The following SCAMP1 variants were observed in gnomAD, a reference collection of about 807,000 sequenced individuals.
SCAMP1 encodes secretory carrier membrane protein 1.
Under a neutral mutation model 41.8 loss-of-function variants are expected in SCAMP1, and 15 were observed. The ratio of observed to expected loss-of-function variants is 0.36; its 90% confidence interval spans 0.24 to 0.55. The LOEUF (loss-of-function observed/expected upper bound fraction) is 0.55, where lower values mean the gene tolerates loss of function less well. Among genes scored for constraint, SCAMP1 ranks in the 20% least tolerant of loss-of-function variants. The pLI is 0.86. For missense variants in SCAMP1, 341 were observed against 412.6 expected (o/e 0.83, Z 1.50); for synonymous variants, 135 against 136.8 (o/e 0.99, Z 0.09).
intron 6 of SCAMP1, among the ~76,000 whole-genome samples, chr5:78,434,242 G>A (rs1160158521): frequency 2.0e-5 from 3 of 152,198 alleles, no homozygotes; most frequent in African/African-American, 7.2e-5. Flanking sequence ...TTAGAGCAAT[G>A]CATCACAAGC....
At chr5:78,402,539 G>A (rs911784132) in intron 2 of SCAMP1, among the ~76,000 whole-genome samples, 5 of 152,116 alleles carry the variant, frequency 3.3e-5, no homozygotes, top group Non-Finnish European at 7.4e-5. Context: ...CTATGTCTTG[G>A]AGAATTGACC....
intron 1 of SCAMP1, among the ~76,000 whole-genome samples, chr5:78,366,271 G>A (rs1273328503): frequency 6.6e-6 from 1 of 151,838 alleles, no homozygotes; most frequent in African/African-American, 2.4e-5. Flanking sequence ...AGCCTCCCGA[G>A]TAGCTGGGAT....
intron 7 of SCAMP1, among the ~76,000 whole-genome samples, chr5:78,457,431 G>C (rs1396684662): frequency 6.6e-6 from 1 of 151,982 alleles, no homozygotes; most frequent in Non-Finnish European, 1.5e-5. Context: ...CAGGTCTGTT[G>C]GAATACCCTG....
chr5:78,436,904 C>G (rs1013679841), intron 6 of SCAMP1, among the ~76,000 whole-genome samples: 1 of 152,126 alleles, frequency 6.6e-6, no homozygotes, highest in Non-Finnish European at 1.5e-5. Context: ...TTTCGTTGAG[C>G]AGTGGTTTGT....
chr5:78,403,081 T>C (rs1456287176), intron 2 of SCAMP1, among the ~76,000 whole-genome samples: 2 of 152,204 alleles, frequency 1.3e-5, no homozygotes, highest in Admixed American at 6.5e-5. Context: ...ATGTTGGCCA[T>C]GCTGGTCTCA....
chr5:78,445,546 A>G (rs1195847730), intron 6 of SCAMP1, among the ~76,000 whole-genome samples: 1 of 152,168 alleles, frequency 6.6e-6, no homozygotes, highest in African/African-American at 2.4e-5. Flanking sequence ...GCTATGTTCA[A>G]GCTGATTTAA....
intron 6 of SCAMP1, among the ~76,000 whole-genome samples, chr5:78,427,259 A>G (rs1348276978): frequency 1.3e-5 from 2 of 152,272 alleles, no homozygotes; most frequent in Admixed American, 1.3e-4. Context: ...GAGAGGTGCC[A>G]TGCTCTTTTT....
At chr5:78,400,241 T>C (rs1751764218) in intron 2 of SCAMP1, among the ~76,000 whole-genome samples, 2 of 152,232 alleles carry the variant, frequency 1.3e-5, no homozygotes, top group South Asian at 4.1e-4. Context: ...TCTAATCTTT[T>C]GTCAATACTA....
intron 1 of SCAMP1, among the ~76,000 whole-genome samples, chr5:78,362,738 C>T (rs188461789): frequency 1.3e-5 from 2 of 152,116 alleles, no homozygotes; most frequent in African/African-American, 4.8e-5. Context: ...TGCCCCTCCT[C>T]CTCACAAAGT....
chr5:78,460,802 T>TCCC (rs1254871306), intron 8 of SCAMP1, among the ~76,000 whole-genome samples: 1 of 41,514 alleles, frequency 2.4e-5, no homozygotes, highest in Non-Finnish European at 5.6e-5. Flanking sequence ...CCTTCCTTCC[T>TCCC]TCCTCCCTTC....
chr5:78,414,956 CTTT>C (rs11318423), intron 2 of SCAMP1, among the ~76,000 whole-genome samples: 11 of 139,150 alleles, frequency 7.9e-5, no homozygotes, highest in Non-Finnish European at 7.8e-5. Flanking sequence ...CTCAAAAGTT[CTTT>C]TTTTTTTTTT....
chr5:78,414,435 G>A (rs560575259), intron 2 of SCAMP1, among the ~76,000 whole-genome samples: 12 of 151,416 alleles, frequency 7.9e-5, no homozygotes, highest in African/African-American at 2.7e-4. Context: ...GGCGCCCGCC[G>A]CCACACCTGG....
At chr5:78,403,566 G>A (rs952381990) in intron 2 of SCAMP1, among the ~76,000 whole-genome samples, 1 of 152,138 alleles carries the variant, frequency 6.6e-6, no homozygotes, top group Non-Finnish European at 1.5e-5. Flanking sequence ...CAAGGTGGGA[G>A]GATTGCCTGA....
intron 2 of SCAMP1, among the ~76,000 whole-genome samples, chr5:78,393,910 G>C (rs1279190889): frequency 6.6e-6 from 1 of 152,144 alleles, no homozygotes; most frequent in Non-Finnish European, 1.5e-5. Context: ...AATTTTTTTT[G>C]GTGGGTATTG....
intron 6 of SCAMP1, among the ~76,000 whole-genome samples, chr5:78,440,083 G>C (rs1752879501): frequency 1.3e-5 from 2 of 152,114 alleles, no homozygotes; most frequent in Admixed American, 1.3e-4. Flanking sequence ...TCTCTATGCT[G>C]TTTATTCTAG....
At chr5:78,382,297 T>C (rs2112071956) in intron 1 of SCAMP1, among the ~76,000 whole-genome samples, 1 of 152,330 alleles carries the variant, frequency 6.6e-6, no homozygotes. Flanking sequence ...TGATGTTCAT[T>C]ATGCTGAGAT....
At chr5:78,429,257 G>C (rs1752538934) in intron 6 of SCAMP1, among the ~76,000 whole-genome samples, 1 of 151,490 alleles carries the variant, frequency 6.6e-6, no homozygotes, top group Non-Finnish European at 1.5e-5. Context: ...CACCATTAAG[G>C]ATGATATTGA....
chr5:78,438,485 C>G (rs1752824438), intron 6 of SCAMP1, among the ~76,000 whole-genome samples: 1 of 152,152 alleles, frequency 6.6e-6, no homozygotes, highest in South Asian at 2.1e-4. Flanking sequence ...CATAGTCATT[C>G]AGGAGCAGGT....
At chr5:78,431,930 T>G (rs1259626072) in intron 6 of SCAMP1, among the ~76,000 whole-genome samples, 4 of 151,944 alleles carry the variant, frequency 2.6e-5, no homozygotes, top group African/African-American at 9.7e-5. Context: ...GAAAAAGGGG[T>G]AGTCATCCCC....
Sources: gnomAD v4.1 joint callset for allele counts (sites outside exome capture counted in the v4.1 genomes callset) on GRCh38, gnomAD v4.1.1 for gene constraint, MANE v1.5 for transcripts, NCBI Gene and HGNC (gene_info 2026-07-23, HGNC 2026-07-21) for gene names.